The following PHACTR3 variants were observed in gnomAD, a reference collection of about 807,000 sequenced individuals.
PHACTR3 encodes phosphatase and actin regulator 3, also known as protein phosphatase 1, regulatory subunit 123.
PHACTR3 carries 16 observed loss-of-function variants against 66.8 expected under a neutral mutation model. The observed-to-expected ratio is 0.24, with a 90% CI of 0.16 to 0.36. The LOEUF is 0.36. Ranked by LOEUF, PHACTR3 falls within the 10% of genes least tolerant of loss-of-function variation. PHACTR3 has a pLI of 1.00. For synonymous variants in PHACTR3, 323 were observed against 292.1 expected (o/e 1.11, Z -1.08); for missense variants, 647 against 719.9 (o/e 0.90, Z 1.16).
chr20:59,819,535 T>C (rs2041973729), intron 8 of PHACTR3, among the ~76,000 whole-genome samples: 1 of 145,488 alleles, frequency 6.9e-6, no homozygotes, highest in South Asian at 2.2e-4. Flanking sequence ...GACCCTGTCG[T>C]TAAAAAAAAA....
Position 59,579,413 on chromosome 20 carries a change from T to C in PHACTR3, c.109+1796T>C, listed in dbSNP as rs2032801486. On this transcript the variant is annotated intron_variant, in intron 1 of 12. Transcript: ENST00000359926. ...TCATTGAAAATGCTTCAGGCACTGA[T>C]CTAGATGCTGGGATGCTGCGGGGAG... Among the ~76,000 whole-genome samples the C allele has an allele frequency of 3.9e-5, 6 of 152,172 alleles. No homozygotes were observed. The South Asian group carries it at 8.3e-4, about 21-fold the overall frequency.
chr20:59,802,299 G>A (rs1034468311), intron 7 of PHACTR3, among the ~76,000 whole-genome samples: 1 of 152,208 alleles, frequency 6.6e-6, no homozygotes, highest in Non-Finnish European at 1.5e-5. Flanking sequence ...TGGACAGAGA[G>A]TGAAGGGGTT....
chr20:59,649,311 G>A (rs1179455658), intron 1 of PHACTR3, among the ~76,000 whole-genome samples: 1 of 152,188 alleles, frequency 6.6e-6, no homozygotes, highest in East Asian at 1.9e-4. Flanking sequence ...GCCAAGATAT[G>A]TGTATTTTCC....
At chr20:59,608,247 G>A (rs1226152285) in intron 1 of PHACTR3, among the ~76,000 whole-genome samples, 1 of 152,150 alleles carries the variant, frequency 6.6e-6, no homozygotes, top group Non-Finnish European at 1.5e-5. Context: ...CCGGGTCTGT[G>A]GCCATGGACT....
intron 1 of PHACTR3, chr20:59,676,745 G>C: frequency 1.0e-6 from 1 of 984,982 alleles, no homozygotes; most frequent in Non-Finnish European, 1.2e-6. Context: ...CTTCATCCAG[G>C]ATCCCTCTGT....
At chr20:59,841,640 T>A in intron 11 of PHACTR3, 105 bp downstream of exon 11, 1 of 1,232,270 alleles carries the variant, frequency 8.1e-7, no homozygotes, top group Non-Finnish European at 1.1e-6. Flanking sequence ...CTCAACTATT[T>A]AAGGGTATAC....
At chr20:59,766,726 G>A (rs1402416680) in intron 4 of PHACTR3, among the ~76,000 whole-genome samples, 1 of 152,254 alleles carries the variant, frequency 6.6e-6, no homozygotes, top group Non-Finnish European at 1.5e-5. Context: ...GTTACACTGT[G>A]TCATGGCCAC....
chr20:59,738,215 C>T lies in PHACTR3; in HGVS notation c.119-4892C>T, dbSNP rs1257954597. ...GCTTCAACCTCCTGTTAGTAAGTGG[C>T]AGGGCCAGGAGGGGAGCCTGGGGTG... On this transcript the variant is annotated intron_variant, in intron 1 of 12. Transcript: ENST00000371015. The surrounding 1 kb of genome is among the most constrained non-coding windows in gnomAD (Gnocchi z 4.4). Among the ~76,000 whole-genome samples, 1 of 152,014 alleles carries T rather than the reference C, an allele frequency of 6.6e-6. No homozygotes were observed. The highest frequency in any genetic ancestry group is 2.4e-5 in the African/African-American group (1 of 41,414).
chr20:59,640,472 C>T (rs566886221), intron 1 of PHACTR3, among the ~76,000 whole-genome samples: 8 of 152,162 alleles, frequency 5.3e-5, no homozygotes, highest in South Asian at 2.1e-4. Flanking sequence ...AATAGTAGCT[C>T]GACTCAGCTT....
At chr20:59,649,380 C>T (rs1601005628) in intron 1 of PHACTR3, among the ~76,000 whole-genome samples, 1 of 152,290 alleles carries the variant, frequency 6.6e-6, no homozygotes. Flanking sequence ...ACAGGCACAT[C>T]TATTAATGAA....
At chr20:59,629,806 C>G (rs1435969224) in intron 1 of PHACTR3, among the ~76,000 whole-genome samples, 2 of 152,216 alleles carry the variant, frequency 1.3e-5, no homozygotes, top group Non-Finnish European at 2.9e-5. Flanking sequence ...GAGTGTCGTG[C>G]TTGTCAAGAC....
intron 11 of PHACTR3, among the ~76,000 whole-genome samples, chr20:59,843,085 G>C (rs1255943971): frequency 6.6e-6 from 1 of 151,942 alleles, no homozygotes; most frequent in East Asian, 1.9e-4. Flanking sequence ...TAATGGACTA[G>C]CTAAGAAAGA....
intron 1 of PHACTR3, among the ~76,000 whole-genome samples, chr20:59,730,443 T>C (rs940598318): frequency 3.9e-5 from 6 of 152,100 alleles, no homozygotes; most frequent in African/African-American, 1.4e-4. Flanking sequence ...GGTTTTATAT[T>C]TCATCCTAAG....
intron 3 of PHACTR3, among the ~76,000 whole-genome samples, chr20:59,750,747 C>T (rs1251078868): frequency 6.6e-6 from 1 of 152,142 alleles, no homozygotes; most frequent in African/African-American, 2.4e-5. Flanking sequence ...GCAGGGGTTG[C>T]TCTGGGAGGG....
At chr20:59,682,065 C>T (rs11699125) in intron 1 of PHACTR3, among the ~76,000 whole-genome samples, 4,280 of 151,602 alleles carry the variant, frequency 0.028, 81 homozygotes, top group Middle Eastern at 0.065. Flanking sequence ...CTTGGCTGGA[C>T]GCGGTGGCTC....
At chr20:59,758,134 CG>C (rs951196501) in intron 4 of PHACTR3, among the ~76,000 whole-genome samples, 5 of 17,538 alleles carry the variant, frequency 2.9e-4, no homozygotes, top group African/African-American at 4.7e-4. Context: ...AGACTGGAGC[CG>C]TGCATGGTTC....
At chr20:59,719,078 C>T (rs899138568) in intron 1 of PHACTR3, among the ~76,000 whole-genome samples, 2 of 152,204 alleles carry the variant, frequency 1.3e-5, no homozygotes, top group African/African-American at 2.4e-5. Context: ...TTGCTAACAC[C>T]AGATGAATGA....
upstream of PHACTR3, chr20:59,603,768 G>C (rs1047814428): frequency 6.6e-6 from 1 of 152,440 alleles, no homozygotes; most frequent in African/African-American, 2.4e-5. Flanking sequence ...CTCCTCCTCT[G>C]GGCACCTTCC....
At chr20:59,656,690 A>G (rs888097406) in intron 1 of PHACTR3, among the ~76,000 whole-genome samples, 3 of 151,558 alleles carry the variant, frequency 2.0e-5, no homozygotes, top group Non-Finnish European at 4.4e-5. Flanking sequence ...TTCATTTTCT[A>G]TATCTCTCAT....
Sources: gnomAD v4.1 joint callset for allele counts (sites outside exome capture counted in the v4.1 genomes callset) on GRCh38, gnomAD v4.1.1 for gene constraint, Gnocchi (gnomAD v3.1) non-coding constraint, MANE v1.5 for transcripts, NCBI Gene and HGNC (gene_info 2026-07-23, HGNC 2026-07-21) for gene names.